The following UBE2W variants were observed in gnomAD, a reference collection of about 807,000 sequenced individuals.
UBE2W encodes ubiquitin-conjugating enzyme E2 W.
A neutral mutation model predicts 27.2 loss-of-function variants in UBE2W; 18 were observed. That is an observed-to-expected ratio of 0.66 (90% CI 0.46 to 0.98). The LOEUF (loss-of-function observed/expected upper bound fraction) is 0.98. Among genes scored for constraint, UBE2W ranks in the 50% least tolerant of loss-of-function variants. The pLI is 0.00. For synonymous variants in UBE2W, 53 were observed against 57.2 expected (o/e 0.93, Z 0.33); for missense variants, 90 against 180.2 (o/e 0.50, Z 2.87).
At position 73,792,954 on chromosome 8, in the gene UBE2W, T is replaced by C. The variant is rs906209427; in HGVS notation, c.*1148A>G. On this transcript the variant is annotated 3_prime_UTR_variant, in exon 6 of 6. Coordinates refer to ENST00000602593, the MANE Select transcript of UBE2W (RefSeq NM_018299.6). The stretch of plus-strand genomic sequence containing the variant: ...TTAAAATAAAAATGTCCACACTCTT[T>C]TGTTAAAACATTAAGCCTCTGTCAA... The C allele has an allele frequency of 2.5e-4, 245 of 985,586 alleles. No individual in the cohort carries two copies. The African/African-American group carries it at 4.1e-3, about 16-fold the overall frequency. 61.1% of individuals were successfully genotyped at this position (985,586 alleles called of 1,614,324 possible). A position where few individuals can be genotyped will look rare whatever the true frequency, so the allele number is the denominator to read the frequency against.
chr8:73,785,610 T>C (rs926265314), downstream of UBE2W, among the ~76,000 whole-genome samples: 4 of 152,026 alleles, frequency 2.6e-5, no homozygotes, highest in African/African-American at 4.8e-5. Flanking sequence ...CACTCTCTTT[T>C]AGAGACGGAA....
intron 4 of UBE2W, among the ~76,000 whole-genome samples, chr8:73,809,601 C>A (rs1172962106): frequency 6.6e-6 from 1 of 151,972 alleles, no homozygotes; most frequent in Non-Finnish European, 1.5e-5. Context: ...TTATTATTTT[C>A]TTGAGATGGA....
Position 73,788,974 on chromosome 8 carries a change from A to G in UBE2W, c.*5128T>C. Reference sequence around the variant, plus strand: ...ATTTTATTAACAAAAAATTTTTCATAAAAAAATAGTCATTTAATCATTCTA... The same window carrying G: ...ATTTTATTAACAAAAAATTTTTCATGAAAAAATAGTCATTTAATCATTCTA... On this transcript the variant is annotated 3_prime_UTR_variant, in exon 6 of 6. Coordinates refer to ENST00000602593, the MANE Select transcript of UBE2W (RefSeq NM_018299.6). 2.0e-5 allele frequency: 20 copies of G among 982,626 alleles called. No individual in the cohort carries two copies. Among genetic ancestry groups the G allele is most frequent in the Non-Finnish European group, 2.4e-5 (20 of 827,512 alleles). The allele number at this position is 982,626 out of a possible 1,614,324, so 60.9% of individuals were successfully genotyped here. A position where few individuals can be genotyped will look rare whatever the true frequency, so the allele number is the denominator to read the frequency against.
At chr8:73,808,908 T>G (rs1341458760) in intron 4 of UBE2W, among the ~76,000 whole-genome samples, 1 of 152,202 alleles carries the variant, frequency 6.6e-6, no homozygotes, top group African/African-American at 2.4e-5. Context: ...CTCTAGTTTT[T>G]AATAATAAAT....
At chr8:73,866,290 A>AAAATATATATAT (rs1248216873) in intron 1 of UBE2W, among the ~76,000 whole-genome samples, 1 of 43,090 alleles carries the variant, frequency 2.3e-5, no homozygotes, top group African/African-American at 9.9e-5. Context: ...AAAAAAAAAA[A>AAAATATATATAT]ATATATATAT....
intron 4 of UBE2W, among the ~76,000 whole-genome samples, chr8:73,806,998 G>T (rs1808937390): frequency 6.6e-6 from 1 of 152,180 alleles, no homozygotes; most frequent in Admixed American, 6.5e-5. Flanking sequence ...CAACAACACT[G>T]AAGATATATT....
chr8:73,860,166 T>A (rs995485310), intron 1 of UBE2W, among the ~76,000 whole-genome samples: 4 of 152,006 alleles, frequency 2.6e-5, no homozygotes, highest in African/African-American at 9.7e-5. Flanking sequence ...GAAAAGATAC[T>A]CTCATTGAAG....
At chr8:73,815,698 A>T (rs1289244993) in intron 3 of UBE2W, among the ~76,000 whole-genome samples, 4 of 152,200 alleles carry the variant, frequency 2.6e-5, no homozygotes. Context: ...AGAGTTGCAG[A>T]GGTAGTTAGA....
At position 73,878,678 on chromosome 8, in the gene UBE2W, GAA is replaced by G; in HGVS notation, c.15+128_15+129del. ...CCTCCCCCGACGCCCTGAGCTGAGGGAAAACAGGCCACCCGGACCGATCCCGA... is the reference window on the plus strand; with the variant it reads ...CCTCCCCCGACGCCCTGAGCTGAGGGAACAGGCCACCCGGACCGATCCCGA... On this transcript the variant is annotated intron_variant, in intron 1 of 5. Coordinates refer to ENST00000602593, the MANE Select transcript of UBE2W (RefSeq NM_018299.6). 1.5e-5 allele frequency: 12 copies of G among 807,474 alleles called. 1 individual carries two copies. The South Asian group carries it at 1.8e-4, about 12-fold the overall frequency. 50.0% of individuals were successfully genotyped at this position (807,474 alleles called of 1,614,324 possible).
Position 73,786,634 on chromosome 8 carries a change from A to G in UBE2W, c.*7468T>C, listed in dbSNP as rs891897074. On this transcript the variant is annotated 3_prime_UTR_variant, in exon 6 of 6. Transcript: ENST00000602593. Reference sequence around the variant, plus strand: ...CATTCTAGGAGGGAAGAACATTAGCAGACGGCAGTGGAAGCTTGCATTGCT... The same window carrying G: ...CATTCTAGGAGGGAAGAACATTAGCGGACGGCAGTGGAAGCTTGCATTGCT... The G allele has an allele frequency of 1.0e-6, 1 of 985,386 alleles. No homozygotes were observed. Among genetic ancestry groups the G allele is most frequent in the African/African-American group, 1.7e-5 (1 of 57,256 alleles). 61.0% of individuals were successfully genotyped at this position (985,386 alleles called of 1,614,324 possible).
At chr8:73,858,979 C>T (rs1264391717) in intron 1 of UBE2W, among the ~76,000 whole-genome samples, 14 of 125,878 alleles carry the variant, frequency 1.1e-4, no homozygotes, top group Non-Finnish European at 1.5e-4. Context: ...GGGGTTTTTG[C>T]GTGTGTGTGT....
At chr8:73,839,656 C>CAA (rs370096009) in intron 1 of UBE2W, among the ~76,000 whole-genome samples, 1 of 143,024 alleles carries the variant, frequency 7.0e-6, no homozygotes. Context: ...GACTCCATCT[C>CAA]AAAAAAAAAC....
rs938506530 is a variant in UBE2W, at chr8:73,788,428, C to A, written c.*5674G>T. On this transcript the variant is annotated 3_prime_UTR_variant, in exon 6 of 6. Coordinates refer to ENST00000602593, the MANE Select transcript of UBE2W (RefSeq NM_018299.6). ...TGGCACCAACTAAAACAAACAAATTCATTTTGACCTGAACATGCATTTAGT... is the reference window on the plus strand; with the variant it reads ...TGGCACCAACTAAAACAAACAAATTAATTTTGACCTGAACATGCATTTAGT... 2 of 985,262 alleles carry A rather than the reference C, an allele frequency of 2.0e-6. No homozygotes were observed. The highest frequency in any genetic ancestry group is 2.4e-6 in the Non-Finnish European group (2 of 829,918). The allele number at this position is 985,262 out of a possible 1,614,324, so 61.0% of individuals were successfully genotyped here.
chr8:73,874,201 G>A (rs944899197), intron 1 of UBE2W, among the ~76,000 whole-genome samples: 2 of 152,310 alleles, frequency 1.3e-5, no homozygotes, highest in Middle Eastern at 3.4e-3. Context: ...GGAGGCCGAG[G>A]CGGGCGGATC....
Position 73,794,010 on chromosome 8 carries a change from C to T in UBE2W, c.*92G>A. The T allele has an allele frequency of 6.3e-7, 1 of 1,585,408 alleles. No individual in the cohort carries two copies. ...AGTCTTCATTGCCTATAGGTCACTT[C>T]CAGTCAAAGGTTAAAGTTCAAAGAC... On this transcript the variant is annotated 3_prime_UTR_variant, in exon 6 of 6. Coordinates refer to ENST00000602593, the MANE Select transcript of UBE2W (RefSeq NM_018299.6).
intron 1 of UBE2W, among the ~76,000 whole-genome samples, chr8:73,861,113 T>C (rs1041671458): frequency 1.2e-4 from 19 of 152,152 alleles, no homozygotes; most frequent in African/African-American, 4.6e-4. Flanking sequence ...AGTGAGGTCC[T>C]ACTTCTAAAA....
intron 1 of UBE2W, among the ~76,000 whole-genome samples, chr8:73,849,846 A>G (rs1232015235): frequency 6.6e-6 from 1 of 152,130 alleles, no homozygotes; most frequent in Non-Finnish European, 1.5e-5. Context: ...ATACTAGGAT[A>G]AGTTTTAAGA....
At chr8:73,873,062 C>T (rs568954746) in intron 1 of UBE2W, among the ~76,000 whole-genome samples, 2 of 152,022 alleles carry the variant, frequency 1.3e-5, no homozygotes, top group Non-Finnish European at 2.9e-5. Flanking sequence ...CGCTCTACCA[C>T]GCCTGGCTAA....
chr8:73,785,359 G>T (rs759250676), downstream of UBE2W, among the ~76,000 whole-genome samples: 4 of 152,098 alleles, frequency 2.6e-5, no homozygotes, highest in Non-Finnish European at 5.9e-5. Flanking sequence ...GGCCAGGCTT[G>T]TATCGACCTC....
Sources: gnomAD v4.1 joint callset for allele counts (sites outside exome capture counted in the v4.1 genomes callset) on GRCh38, gnomAD v4.1.1 for gene constraint, MANE v1.5 for transcripts, NCBI Gene and HGNC (gene_info 2026-07-23, HGNC 2026-07-21) for gene names.